Variants in CAMKMT observed in about 807,000 individuals in gnomAD.
CAMKMT encodes the protein CaM KMT.
CAMKMT carries 53 observed loss-of-function variants against 48.0 expected under a neutral mutation model. That is an observed-to-expected ratio of 1.10 (90% CI 0.89 to 1.39). The LOEUF (loss-of-function observed/expected upper bound fraction) is 1.39. Ranked by LOEUF, CAMKMT falls within the 40% of genes most tolerant of loss-of-function variation. The probability of loss-of-function intolerance (pLI) is 0.00; values close to 1 mark genes in which losing one functional copy is unlikely to be tolerated. For missense variants in CAMKMT, 428 were observed against 402.7 expected (o/e 1.06, Z -0.54); for synonymous variants, 165 against 152.3 (o/e 1.08, Z -0.61).
intron 3 of CAMKMT, among the ~76,000 whole-genome samples, chr2:44,431,867 T>C (rs551014338): frequency 6.6e-6 from 1 of 152,274 alleles, no homozygotes; most frequent in Non-Finnish European, 1.5e-5. Context: ...GTTAGCTCAA[T>C]TGTAAGTGTT....
chr2:44,465,920 A>G (rs77915397), intron 3 of CAMKMT, among the ~76,000 whole-genome samples: 9,810 of 152,216 alleles, frequency 0.064, 383 homozygotes, highest in South Asian at 0.14. Context: ...TAAGTCAAAA[A>G]CTCACAAGAG....
At chr2:44,637,919 G>T (rs772978444) in intron 3 of CAMKMT, among the ~76,000 whole-genome samples, 5 of 151,920 alleles carry the variant, frequency 3.3e-5, no homozygotes, top group East Asian at 1.9e-4. Context: ...ACAAAAATTA[G>T]CTGGGCATGG....
chr2:44,758,093 G>C (rs529012273), intron 9 of CAMKMT, among the ~76,000 whole-genome samples: 2 of 152,196 alleles, frequency 1.3e-5, no homozygotes, highest in East Asian at 1.9e-4. Context: ...CCCACGGAGT[G>C]GGGGAGAGTA....
intron 3 of CAMKMT, among the ~76,000 whole-genome samples, chr2:44,598,555 T>G (rs968917643): frequency 2.8e-4 from 42 of 151,558 alleles, no homozygotes; most frequent in Admixed American, 1.3e-4. Context: ...AAGTATGACT[T>G]AATCATACAG....
chr2:44,728,326 T>C (rs1678899181), intron 7 of CAMKMT, among the ~76,000 whole-genome samples: 1 of 152,154 alleles, frequency 6.6e-6, no homozygotes, highest in Non-Finnish European at 1.5e-5. Flanking sequence ...TTTGCTAGTA[T>C]TTTGTTGAGG....
intron 3 of CAMKMT, among the ~76,000 whole-genome samples, chr2:44,391,381 A>T (rs927780033): frequency 2.0e-5 from 3 of 151,496 alleles, no homozygotes; most frequent in Admixed American, 6.6e-5. Flanking sequence ...CTTTTTTTTT[A>T]AATTTTCCAA....
intron 7 of CAMKMT, among the ~76,000 whole-genome samples, chr2:44,724,458 T>G (rs1678664172): frequency 6.6e-6 from 1 of 152,176 alleles, no homozygotes; most frequent in African/African-American, 2.4e-5. Context: ...TTGAGGTTCA[T>G]TTGAACAATC....
rs561346522 is a variant in CAMKMT at position 44,725,587 on chromosome 2, G to T, written c.623+10234G>T. Among the ~76,000 whole-genome samples the T allele has an allele frequency of 2.0e-5, 3 of 152,318 alleles. No homozygotes were observed. The South Asian group carries it at 6.2e-4, about 32-fold the overall frequency. On this transcript the variant is annotated intron_variant, in intron 7 of 10. Transcript: ENST00000378494. The stretch of plus-strand genomic sequence containing the variant: ...GCTTCATGAAGGAGGTGGACCTTGA[G>T]CTGTGATCTAGCAAATTAAAGATAA...
In CAMKMT at chr2:44,653,808, CTCA is replaced by C. The variant is rs199932444; in HGVS notation, c.377-50472_377-50470del. 3.3e-5 allele frequency among the ~76,000 whole-genome samples: 5 copies of C among 152,222 alleles called. No homozygotes were observed. The highest frequency in any genetic ancestry group is 3.9e-4 in the East Asian group (2 of 5,188). Reference sequence around the variant, plus strand: ...GATCTAAAACAAGAATTGAAAAGATCTCATCGAGTGCCTAGAACAAAACTGACA... The same window carrying C: ...GATCTAAAACAAGAATTGAAAAGATCTCGAGTGCCTAGAACAAAACTGACA... On this transcript the variant is annotated intron_variant, in intron 3 of 10. Transcript: ENST00000378494. The surrounding 1 kb of genome is among the most constrained non-coding windows in gnomAD (Gnocchi z 5.2).
chr2:44,384,294 A>G (rs988971616), intron 2 of CAMKMT, among the ~76,000 whole-genome samples: 7 of 152,006 alleles, frequency 4.6e-5, no homozygotes, highest in African/African-American at 1.7e-4. Flanking sequence ...TTGTCTATTC[A>G]TGTCCTTAGT....
At chr2:44,753,515 T>C (rs188759808) in intron 8 of CAMKMT, among the ~76,000 whole-genome samples, 11 of 152,146 alleles carry the variant, frequency 7.2e-5, no homozygotes, top group Admixed American at 6.5e-4. Context: ...TGATATATTG[T>C]CTGAGATTGT....
intron 3 of CAMKMT, among the ~76,000 whole-genome samples, chr2:44,566,545 G>A (rs1183249526): frequency 6.6e-6 from 1 of 152,164 alleles, no homozygotes; most frequent in Non-Finnish European, 1.5e-5. Context: ...CTAAAGGCCT[G>A]TGAGCCATAA....
chr2:44,394,727 C>G (rs950779583), intron 3 of CAMKMT, among the ~76,000 whole-genome samples: 21 of 152,330 alleles, frequency 1.4e-4, no homozygotes, highest in South Asian at 1.0e-3. Context: ...TGTGCCTGAC[C>G]TGACCAGGAT....
intron 3 of CAMKMT, among the ~76,000 whole-genome samples, chr2:44,531,603 T>G (rs1666489773): frequency 6.6e-6 from 1 of 152,176 alleles, no homozygotes; most frequent in Non-Finnish European, 1.5e-5. Context: ...GTATCCCTTT[T>G]TTCATAGGGC....
chr2:44,519,223 A>G (rs1670978805), intron 3 of CAMKMT, among the ~76,000 whole-genome samples: 1 of 152,200 alleles, frequency 6.6e-6, no homozygotes, highest in South Asian at 2.1e-4. Context: ...CTCATGGTGA[A>G]ATAGATTGCT....
chr2:44,577,482 G>A (rs1398261548), intron 3 of CAMKMT, among the ~76,000 whole-genome samples: 1 of 152,042 alleles, frequency 6.6e-6, no homozygotes, highest in Non-Finnish European at 1.5e-5. Flanking sequence ...AGCCAGGTGT[G>A]GTAGTACATG....
At position 44,398,567 on chromosome 2, in the gene CAMKMT, CTT is replaced by C. The variant is rs10711902; in HGVS notation, c.376+8276_376+8277del. Among the ~76,000 whole-genome samples, 638 of 125,804 alleles carry C rather than the reference CTT, an allele frequency of 5.1e-3. 5 individuals carry two copies. Among genetic ancestry groups the C allele is most frequent in the African/African-American group, 0.015 (511 of 34,058 alleles). 82.5% of individuals were successfully genotyped at this position (125,804 alleles called of 152,430 possible). A position where few individuals can be genotyped will look rare whatever the true frequency, so the allele number is the denominator to read the frequency against. ...GTTTCTTTCTTTTTTCTTTTCTTTT[CTT>C]TTTTTTTTTTTTTGAGAAGTGCTGA... is the stretch of plus-strand genomic sequence containing the variant. On this transcript the variant is annotated intron_variant, in intron 3 of 10. Transcript: ENST00000378494.
At chr2:44,549,935 G>C (rs1667616210) in intron 3 of CAMKMT, 1 of 265,006 alleles carries the variant, frequency 3.8e-6, no homozygotes, top group African/African-American at 2.2e-5. Flanking sequence ...TAGGATTTTT[G>C]AAATAGGATA....
At chr2:44,409,109 A>G (rs1265553545) in intron 3 of CAMKMT, among the ~76,000 whole-genome samples, 1 of 4,850 alleles carries the variant, frequency 2.1e-4, no homozygotes, top group Non-Finnish European at 6.0e-4. Flanking sequence ...ATATATATAT[A>G]TATATATATA....
Sources: gnomAD v4.1 joint callset for allele counts (sites outside exome capture counted in the v4.1 genomes callset) on GRCh38, gnomAD v4.1.1 for gene constraint, Gnocchi (gnomAD v3.1) non-coding constraint, MANE v1.5 for transcripts, NCBI Gene and HGNC (gene_info 2026-07-23, HGNC 2026-07-21) for gene names.